Variants in ARVCF observed in about 807,000 individuals in gnomAD.
The protein encoded by ARVCF is splicing regulator ARVCF.
In ARVCF, 66 loss-of-function variants were observed where a neutral mutation model predicts 90.9. The ratio of observed to expected loss-of-function variants is 0.73; its 90% CI spans 0.60 to 0.89. ARVCF has a LOEUF of 0.89. Ranked by LOEUF, ARVCF falls within the 40% of genes least tolerant of loss-of-function variation. The pLI, the probability that ARVCF is intolerant of heterozygous loss-of-function variation, is 0.00. For missense variants in ARVCF, 1,469 were observed against 1,382.3 expected (o/e 1.06, Z -1.00); for synonymous variants, 653 against 603.4 (o/e 1.08, Z -1.21).
intron 2 of ARVCF, 98 bp from the exon 3 acceptor site, chr22:19,990,910 TC>T: frequency 8.2e-7 from 1 of 1,215,070 alleles, no homozygotes; most frequent in Non-Finnish European, 1.1e-6. Context: ...TACAACTCAC[TC>T]CCAGACCAGA....
chr22:19,975,851 C>A, intron 10 of ARVCF, 94 bp from the exon 11 acceptor site: 1 of 1,313,970 alleles, frequency 7.6e-7, no homozygotes, highest in Non-Finnish European at 1.1e-6. Context: ...ACCCAGGCCC[C>A]AAAAGGCACC....
At chr22:19,976,516 T>C (rs1601587139) in intron 10 of ARVCF, among the ~76,000 whole-genome samples, 190 bp downstream of exon 10, 2 of 152,322 alleles carry the variant, frequency 1.3e-5, no homozygotes, top group East Asian at 3.9e-4. Flanking sequence ...TGCCCAACTC[T>C]GCCCAGGTAG....
At chr22:20,003,544 T>C (rs9618725) in intron 2 of ARVCF, among the ~76,000 whole-genome samples, 37,259 of 152,192 alleles carry the variant, frequency 0.24, 5,755 homozygotes, top group African/African-American at 0.43. Context: ...AGTGGGATTT[T>C]ACTCCTGGAA....
intron 16 of ARVCF, 100 bp from the exon 17 acceptor site, chr22:19,972,511 CTG>C: frequency 4.1e-6 from 6 of 1,467,002 alleles, no homozygotes; most frequent in Non-Finnish European, 5.6e-6. Flanking sequence ...TAGAGGCTCT[CTG>C]TCACTAAGGT....
At chr22:19,966,912 C>T (rs1942431019), downstream of ARVCF, 2 of 982,908 alleles carry the variant, frequency 2.0e-6, no homozygotes, top group South Asian at 9.4e-5. Context: ...GTCACCTGCT[C>T]CTCTGACACT....
downstream of ARVCF, chr22:19,969,746 C>T: frequency 2.4e-6 from 2 of 842,236 alleles, no homozygotes; most frequent in Non-Finnish European, 2.9e-6. Flanking sequence ...TTTGGGGCCA[C>T]CCAGGGACCA....
At chr22:19,975,197 G>T (rs1943081851) in intron 11 of ARVCF, among the ~76,000 whole-genome samples, 1 of 152,174 alleles carries the variant, frequency 6.6e-6, no homozygotes, top group African/African-American at 2.4e-5. Flanking sequence ...CAACTGGCTA[G>T]GCCCCACCAG....
chr22:19,967,518 A>G, downstream of ARVCF: 1 of 393,972 alleles, frequency 2.5e-6, no homozygotes. Flanking sequence ...ATACTGTCAC[A>G]TGAAAGCCCC....
Position 19,972,985 on chromosome 22 carries a change from CCA to C in ARVCF, c.2488_2489del (p.Trp830GlufsTer30). 6.2e-7 allele frequency: 1 copy of C among 1,613,708 alleles called. No homozygotes were observed. The highest frequency in any genetic ancestry group is 8.5e-7 in the Non-Finnish European group (1 of 1,180,020). On this transcript the variant is annotated frameshift_variant, in exon 15 of 20. Transcript: ENST00000263207. LOFTEE classifies it high-confidence loss of function. ...KAASHVLQTV[W>X]SYKELRGTLQ... ...AGGTACCACGCAGCTCCTTGTAGCT[CCA>C]CACTGTCTGCAGCACGTGTGACGCC... is the stretch of plus-strand genomic sequence containing the variant.
In ARVCF at chr22:19,981,231, A is replaced by T; in HGVS notation, c.876T>A (p.Cys292Ter). The T allele has an allele frequency of 6.4e-7, 1 of 1,550,634 alleles. No individual in the cohort carries two copies. Among genetic ancestry groups the T allele is most frequent in the Non-Finnish European group, 8.7e-7 (1 of 1,147,394 alleles). The change falls in exon 5 of 20, where the codon TGT becomes TGA. Residue 292 changes from cysteine (C) to a stop codon, truncating the protein, a stop_gained. Coordinates refer to ENST00000263207, the MANE Select transcript of ARVCF (RefSeq NM_001670.3). LOFTEE classifies it high-confidence loss of function. Reference protein sequence around the residue: ...YGTATRRRPECGRGLHTRAYE... With the variant: ...YGTATRRRPE ...CTCACCTGGTATGAAGGCCCCGCCC[A>T]CACTCAGGCCTCCTCCTTGTGGCCG...
chr22:19,979,139 AGGT>A, intron 6 of ARVCF, 59 bp from the exon 7 acceptor site: 1 of 1,556,880 alleles, frequency 6.4e-7, no homozygotes, highest in Non-Finnish European at 8.8e-7. Context: ...CTACCTCCCC[AGGT>A]GGCCACGCTC....
intron 1 of ARVCF, among the ~76,000 whole-genome samples, chr22:20,013,513 C>A (rs1418223270): frequency 6.6e-6 from 1 of 152,228 alleles, no homozygotes; most frequent in African/African-American, 2.4e-5. Flanking sequence ...GTCATCCAAG[C>A]CAGGTGTCTG....
chr22:19,991,784 C>T (rs954861002), intron 2 of ARVCF, among the ~76,000 whole-genome samples: 6 of 152,266 alleles, frequency 3.9e-5, no homozygotes, highest in Admixed American at 1.3e-4. Flanking sequence ...GACAAGTATG[C>T]GGAGCTCCAA....
At chr22:19,995,793 C>G (rs111711037) in intron 2 of ARVCF, among the ~76,000 whole-genome samples, 61 of 152,274 alleles carry the variant, frequency 4.0e-4, no homozygotes, top group Admixed American at 2.9e-3. Context: ...TGGCCCCCCC[C>G]TCGAGGGGAG....
chr22:19,984,006 CCT>C (rs1943636272), intron 3 of ARVCF, among the ~76,000 whole-genome samples: 1 of 152,142 alleles, frequency 6.6e-6, no homozygotes, highest in Non-Finnish European at 1.5e-5. Context: ...TGTGTCAGGC[CCT>C]GAGCTCTCTC....
chr22:19,971,829 C>A, intron 18 of ARVCF, 57 bp downstream of exon 18: 1 of 1,588,192 alleles, frequency 6.3e-7, no homozygotes, highest in Non-Finnish European at 8.6e-7. Context: ...TGCTCTCCAG[C>A]AACCCCTAGA....
chr22:19,981,028 A>G, intron 5 of ARVCF, 183 bp downstream of exon 5: 6 of 762,370 alleles, frequency 7.9e-6, no homozygotes, highest in Non-Finnish European at 1.2e-5. Flanking sequence ...GACAGTGCCC[A>G]GCCGAACTCC....
intron 9 of ARVCF, among the ~76,000 whole-genome samples, chr22:19,977,075 C>T (rs1020361249): frequency 6.6e-6 from 1 of 152,218 alleles, no homozygotes; most frequent in Non-Finnish European, 1.5e-5. Context: ...TACAGCTATT[C>T]TGTGAACAGT....
chr22:20,012,731 C>A lies in ARVCF; in HGVS notation c.-72-2223G>T, dbSNP rs557390389. On this transcript the variant is annotated intron_variant, in intron 1 of 19. Coordinates refer to ENST00000263207, the MANE Select transcript of ARVCF (RefSeq NM_001670.3). Reference sequence around the variant, plus strand: ...GGCTCTGTCAGCCCCTGGCTACACCCCACTGATGCCCTAGTAAGCCCTGTG... The same window carrying A: ...GGCTCTGTCAGCCCCTGGCTACACCACACTGATGCCCTAGTAAGCCCTGTG... 7.0e-4 allele frequency among the ~76,000 whole-genome samples: 107 copies of A among 152,406 alleles called. 1 individual carries two copies. Among genetic ancestry groups the A allele is most frequent in the Middle Eastern group, 3.4e-3 (1 of 294 alleles).
Sources: allele counts gnomAD v4.1 joint callset (sites outside exome capture counted in the v4.1 genomes callset), GRCh38; gene constraint gnomAD v4.1.1; transcripts MANE v1.5; gene names NCBI Gene and HGNC (gene_info 2026-07-23, HGNC 2026-07-21).